The following CDC73 variants were observed in gnomAD, a reference collection of about 807,000 sequenced individuals.
CDC73 encodes the protein parafibromin.
Under a neutral mutation model 83.7 loss-of-function variants are expected in CDC73, and 21 were observed. The observed-to-expected ratio is 0.25, with a 90% CI of 0.18 to 0.36. The LOEUF (loss-of-function observed/expected upper bound fraction) is 0.36. CDC73 is among the 10% of genes least tolerant of loss of function. The pLI is 1.00. For synonymous variants in CDC73, 224 were observed against 212.9 expected (o/e 1.05, Z -0.45); for missense variants, 342 against 653.3 (o/e 0.52, Z 5.19).
chr1:193,174,952 T>C (rs138489824), intron 10 of CDC73, among the ~76,000 whole-genome samples: 2 of 152,320 alleles, frequency 1.3e-5, no homozygotes, highest in African/African-American at 4.8e-5. Context: ...TTGAGTCAAG[T>C]TGTAATTCAC....
At chr1:193,244,226 A>G (rs1217961560) in intron 15 of CDC73, among the ~76,000 whole-genome samples, 14 of 152,252 alleles carry the variant, frequency 9.2e-5, no homozygotes, top group African/African-American at 3.4e-4. Flanking sequence ...ACCTGTTTTT[A>G]GTACAACTAG....
chr1:193,129,428 G>A (rs2103117115), intron 2 of CDC73, among the ~76,000 whole-genome samples: 1 of 151,368 alleles, frequency 6.6e-6, no homozygotes, highest in Non-Finnish European at 1.5e-5. Context: ...CACTGTGCCT[G>A]GTCATTGCTT....
intron 3 of CDC73, 124 bp from the exon 4 acceptor site, chr1:193,135,267 A>AT (rs1675771165): frequency 2.5e-6 from 2 of 791,012 alleles, no homozygotes; most frequent in Non-Finnish European, 4.3e-6. Context: ...TTAAAACTGA[A>AT]TTTTTTACCT....
chr1:193,131,800 G>T (rs2103119042), intron 3 of CDC73, among the ~76,000 whole-genome samples: 1 of 152,240 alleles, frequency 6.6e-6, no homozygotes, highest in South Asian at 2.1e-4. Context: ...TCCAAATGTT[G>T]TTCCATCAGA....
intron 10 of CDC73, among the ~76,000 whole-genome samples, chr1:193,159,275 T>C (rs564727029): frequency 6.6e-6 from 1 of 152,354 alleles, no homozygotes; most frequent in Non-Finnish European, 1.5e-5. Context: ...AAAGGTGGTA[T>C]AACTTCCTTA....
At chr1:193,187,494 A>G (rs1676837273) in intron 10 of CDC73, among the ~76,000 whole-genome samples, 1 of 152,142 alleles carries the variant, frequency 6.6e-6, no homozygotes, top group Non-Finnish European at 1.5e-5. Context: ...TGGGGCTGGC[A>G]CCTTCTTTTC....
intron 15 of CDC73, among the ~76,000 whole-genome samples, chr1:193,248,834 AG>A (rs1677996274): frequency 6.6e-6 from 1 of 152,060 alleles, no homozygotes; most frequent in South Asian, 2.1e-4. Flanking sequence ...ATGGATGAGG[AG>A]TTCCTTCTTA....
At chr1:193,237,985 A>C (rs1677792229) in intron 15 of CDC73, among the ~76,000 whole-genome samples, 1 of 152,206 alleles carries the variant, frequency 6.6e-6, no homozygotes, top group African/African-American at 2.4e-5. Flanking sequence ...AATGTCAACG[A>C]GAATTCTTTT....
At chr1:193,170,615 T>A (rs569577432) in intron 10 of CDC73, among the ~76,000 whole-genome samples, 3 of 152,352 alleles carry the variant, frequency 2.0e-5, no homozygotes, top group African/African-American at 7.2e-5. Context: ...GCCTACTTTT[T>A]AATGATTTTT....
intron 10 of CDC73, among the ~76,000 whole-genome samples, chr1:193,189,114 C>T (rs760864838): frequency 2.7e-4 from 41 of 152,052 alleles, no homozygotes; most frequent in African/African-American, 7.0e-4. Context: ...CCACCACACC[C>T]GGCTAATTGT....
intron 7 of CDC73, among the ~76,000 whole-genome samples, chr1:193,143,195 G>T (rs899226685): frequency 2.0e-5 from 3 of 152,038 alleles, no homozygotes; most frequent in African/African-American, 4.8e-5. Flanking sequence ...AGTACCTAAG[G>T]TTGAGATTAA....
chr1:193,152,621 TTTC>T (rs1267386738), intron 10 of CDC73, among the ~76,000 whole-genome samples, 177 bp downstream of exon 10: 1 of 152,206 alleles, frequency 6.6e-6, no homozygotes, highest in Non-Finnish European at 1.5e-5. Flanking sequence ...CTGTTTCATT[TTTC>T]TTTTCCTTCA....
At chr1:193,207,230 G>T (rs990710096) in intron 11 of CDC73, among the ~76,000 whole-genome samples, 1 of 152,074 alleles carries the variant, frequency 6.6e-6, no homozygotes, top group African/African-American at 2.4e-5. Context: ...AGGGGTATAC[G>T]AACAGGGAGT....
intron 10 of CDC73, among the ~76,000 whole-genome samples, chr1:193,197,479 C>T (rs1434223207): frequency 2.6e-5 from 4 of 152,136 alleles, no homozygotes; most frequent in Non-Finnish European, 5.9e-5. Flanking sequence ...TAACTAAATA[C>T]ATATGTAATT....
At chr1:193,164,638 A>G (rs1300668269) in intron 10 of CDC73, among the ~76,000 whole-genome samples, 1 of 151,286 alleles carries the variant, frequency 6.6e-6, no homozygotes, top group East Asian at 1.9e-4. Context: ...GTTATTTTTA[A>G]CTCTTCATTA....
At chr1:193,233,508 T>C (rs1258175374) in intron 14 of CDC73, among the ~76,000 whole-genome samples, 2 of 152,276 alleles carry the variant, frequency 1.3e-5, no homozygotes, top group Admixed American at 1.3e-4. Flanking sequence ...TCATCAATAA[T>C]GTTAACATTC....
At chr1:193,135,347 A>G (rs1348964077) in intron 3 of CDC73, 44 bp from the exon 4 acceptor site, 3 of 1,401,942 alleles carry the variant, frequency 2.1e-6, no homozygotes, top group East Asian at 2.3e-5. Context: ...TCCAATATAT[A>G]TGTTGAAATA....
chr1:193,209,337 G>T (rs939498558), intron 11 of CDC73, among the ~76,000 whole-genome samples: 4 of 152,164 alleles, frequency 2.6e-5, no homozygotes, highest in Non-Finnish European at 4.4e-5. Flanking sequence ...TGGTAAGTAT[G>T]TGCTAACACC....
intron 10 of CDC73, chr1:193,179,675 AAG>A (rs1676677138): frequency 6.6e-6 from 1 of 152,570 alleles, no homozygotes; most frequent in Admixed American, 6.5e-5. Context: ...ATATTAATAA[AAG>A]AAAGTATTAA....
Sources: gnomAD v4.1 joint callset for allele counts (sites outside exome capture counted in the v4.1 genomes callset) on GRCh38, gnomAD v4.1.1 for gene constraint, MANE v1.5 for transcripts, NCBI Gene and HGNC (gene_info 2026-07-23, HGNC 2026-07-21) for gene names.